Variants in HDAC9 observed in about 807,000 individuals in gnomAD.
The protein encoded by HDAC9 is histone deacetylase 9, also known as MEF-2 interacting transcription repressor (MITR) protein.
In HDAC9, 41 loss-of-function variants were observed where a neutral mutation model predicts 139.4. The observed-to-expected ratio is 0.29, with a 90% CI of 0.23 to 0.38. HDAC9 has a LOEUF of 0.38. HDAC9 is among the 10% of genes least tolerant of loss of function. The pLI, the probability that HDAC9 is intolerant of heterozygous loss-of-function variation, is 1.00. For missense variants in HDAC9, 1,147 were observed against 1,297.0 expected, an observed-to-expected ratio of 0.88 and a Z score of 1.78; for synonymous variants, 517 against 476.2, an observed-to-expected ratio of 1.09 and a Z score of -1.12.
chr7:18,874,198 G>A (rs1009356163), intron 21 of HDAC9, among the ~76,000 whole-genome samples: 2 of 150,034 alleles, frequency 1.3e-5, no homozygotes, highest in Admixed American at 1.3e-4. Flanking sequence ...AGACGTATGT[G>A]TAATATGATG....
At chr7:18,143,114 A>G (rs1282354120) in intron 1 of HDAC9, among the ~76,000 whole-genome samples, 1 of 152,176 alleles carries the variant, frequency 6.6e-6, no homozygotes, top group Non-Finnish European at 1.5e-5. Context: ...ATGTGACACT[A>G]GGGCAAAGAT....
At chr7:18,734,570 C>T (rs1786709600) in intron 13 of HDAC9, among the ~76,000 whole-genome samples, 1 of 152,160 alleles carries the variant, frequency 6.6e-6, no homozygotes, top group Admixed American at 6.5e-5. Context: ...ATGAACTCAT[C>T]CTTTTTTATG....
intron 2 of HDAC9, among the ~76,000 whole-genome samples, chr7:18,166,473 G>A (rs113200317): frequency 2.8e-4 from 43 of 152,254 alleles, no homozygotes; most frequent in African/African-American, 1.0e-3. Context: ...TCATGCCTCT[G>A]TTTTGCTAAA....
intron 19 of HDAC9, among the ~76,000 whole-genome samples, chr7:18,832,789 GCA>G (rs1299533425): frequency 6.6e-6 from 1 of 152,060 alleles, no homozygotes. Flanking sequence ...AGGCTGGAGT[GCA>G]ATGGCACGAT....
At chr7:18,105,635 G>A (rs752825811) in intron 1 of HDAC9, among the ~76,000 whole-genome samples, 2 of 150,692 alleles carry the variant, frequency 1.3e-5, no homozygotes, top group South Asian at 2.1e-4. Context: ...TCAAACTCTG[G>A]TGTTGGTATG....
intron 1 of HDAC9, among the ~76,000 whole-genome samples, chr7:18,448,746 G>GT (rs1792528196): frequency 2.0e-5 from 3 of 152,070 alleles, no homozygotes; most frequent in South Asian, 2.1e-4. Context: ...GTCAAATTGT[G>GT]TTTTTTTGGA....
rs902811397 is a variant in HDAC9, at chr7:18,385,164, T to C, written c.-42+94649T>C. Among the ~76,000 whole-genome samples, 7 of 152,184 alleles carry C rather than the reference T, an allele frequency of 4.6e-5. No individual in the cohort carries two copies. In the South Asian group the frequency reaches 1.4e-3, roughly 32 times the overall value. On this transcript the variant is annotated intron_variant, in intron 1 of 3. Transcript: ENST00000413509. ...AGACATTCGAGAACCCTTAATTCTA[T>C]GTGTGATAGGCACCTTACTGCAAAA...
chr7:18,566,921 G>A (rs1049952139), intron 2 of HDAC9, among the ~76,000 whole-genome samples: 2 of 152,158 alleles, frequency 1.3e-5, no homozygotes, highest in African/African-American at 2.4e-5. Context: ...AGAAGACAGA[G>A]GAAGGATGTA....
At chr7:18,109,747 G>A (rs1584096907) in intron 1 of HDAC9, among the ~76,000 whole-genome samples, 1 of 152,230 alleles carries the variant, frequency 6.6e-6, no homozygotes, top group Middle Eastern at 3.4e-3. Context: ...CGCCAACCAA[G>A]TTACCAGTAC....
intron 1 of HDAC9, chr7:18,395,287 C>A (rs570258204): frequency 2.2e-4 from 34 of 152,166 alleles, no homozygotes; most frequent in Admixed American, 2.2e-3. Context: ...CACATTATCT[C>A]ACTTAATACT....
At position 18,538,968 on chromosome 7, in the gene HDAC9, G is replaced by A. The variant is rs190222950; in HGVS notation, c.22+42644G>A. Among the ~76,000 whole-genome samples, 507 of 152,294 alleles carry A rather than the reference G, an allele frequency of 3.3e-3. 1 individual carries two copies. Among genetic ancestry groups the A allele is most frequent in the South Asian group, 0.01 (50 of 4,824 alleles). ...GCTATCACATGATGAGAGGGCAAGAGCATGCCAGCTCAGGTCTCTCTTTAT... is the reference window on the plus strand; with the variant it reads ...GCTATCACATGATGAGAGGGCAAGAACATGCCAGCTCAGGTCTCTCTTTAT... On this transcript the variant is annotated intron_variant, in intron 2 of 25. Transcript: ENST00000686413.
chr7:18,256,698 G>T (rs1795267272), intron 2 of HDAC9, among the ~76,000 whole-genome samples: 1 of 152,146 alleles, frequency 6.6e-6, no homozygotes. Flanking sequence ...ACTGTGGTGG[G>T]TATATTTTCT....
At chr7:18,602,832 C>T (rs1444565707) in intron 6 of HDAC9, among the ~76,000 whole-genome samples, 1 of 152,028 alleles carries the variant, frequency 6.6e-6, no homozygotes, top group African/African-American at 2.4e-5. Flanking sequence ...TGTACACATT[C>T]TGTTCCTTTA....
At chr7:18,497,985 G>A (rs1243594850) in intron 2 of HDAC9, among the ~76,000 whole-genome samples, 3 of 151,990 alleles carry the variant, frequency 2.0e-5, no homozygotes, top group Non-Finnish European at 4.4e-5. Context: ...AGCATTTAAT[G>A]GTTTGTGTAC....
rs1785716158 is a variant in HDAC9, at chr7:18,139,353, C to T, written c.-96-22876C>T. On this transcript the variant is annotated intron_variant, in intron 1 of 12. Coordinates refer to the HDAC9 transcript ENST00000417496. ...TGTTGCCCAGGCTGGTCTGGAACTC[C>T]TGAGCTCAAGCAGTCCTCCTGTCTT... Among the ~76,000 whole-genome samples, 5 of 152,064 alleles carry T rather than the reference C, an allele frequency of 3.3e-5. No homozygotes were observed. The South Asian group carries it at 1.0e-3, about 32-fold the overall frequency.
intron 1 of HDAC9, among the ~76,000 whole-genome samples, chr7:18,406,532 T>A (rs932973473): frequency 2.6e-5 from 4 of 152,176 alleles, no homozygotes; most frequent in African/African-American, 9.7e-5. Flanking sequence ...TAGCTGGGAC[T>A]ACAGGTGCCT....
chr7:18,950,953 C>A (rs750328835), intron 23 of HDAC9, among the ~76,000 whole-genome samples: 1 of 151,990 alleles, frequency 6.6e-6, no homozygotes, highest in Non-Finnish European at 1.5e-5. Flanking sequence ...ACACCTGTTA[C>A]ATTTGCAAAG....
At chr7:18,661,502 A>G (rs1378100303) in intron 11 of HDAC9, among the ~76,000 whole-genome samples, 2 of 152,122 alleles carry the variant, frequency 1.3e-5, no homozygotes, top group African/African-American at 4.8e-5. Flanking sequence ...GTGGAGTAGA[A>G]TGGTATAAAA....
At chr7:18,359,892 A>AGGCCAG (rs1044627325) in intron 1 of HDAC9, among the ~76,000 whole-genome samples, 5 of 152,170 alleles carry the variant, frequency 3.3e-5, no homozygotes, top group Admixed American at 1.3e-4. Context: ...TACAGGTGTG[A>AGGCCAG]GCCACCGTGC....
Sources: allele counts gnomAD v4.1 joint callset (sites outside exome capture counted in the v4.1 genomes callset), GRCh38; gene constraint gnomAD v4.1.1; transcripts MANE v1.5; gene names NCBI Gene and HGNC (gene_info 2026-07-23, HGNC 2026-07-21).